The following ABI2 variants were observed in gnomAD, a reference collection of about 807,000 sequenced individuals.
ABI2 encodes the protein abl interactor 2.
In ABI2, 25 loss-of-function variants were observed where a neutral mutation model predicts 59.2. The observed-to-expected ratio is 0.42, with a 90% CI of 0.31 to 0.59. The LOEUF is 0.59. Among genes scored for constraint, ABI2 ranks in the 20% least tolerant of loss-of-function variants. The pLI, the probability that ABI2 is intolerant of heterozygous loss-of-function variation, is 0.14. For synonymous variants in ABI2, 213 were observed against 235.5 expected (o/e 0.90, Z 0.87); for missense variants, 545 against 681.8 (o/e 0.80, Z 2.23).
In ABI2 at chr2:203,384,290, GTTTTT is replaced by G. The variant is rs796117154; in HGVS notation, c.480+2114_480+2118del. 3.7e-3 allele frequency among the ~76,000 whole-genome samples: 97 copies of G among 26,112 alleles called. 2 individuals carry two copies. Among genetic ancestry groups the G allele is most frequent in the African/African-American group, 0.014 (89 of 6,358 alleles). The allele number at this position is 26,112 out of a possible 152,430, so 17.1% of individuals were successfully genotyped here. On this transcript the variant is annotated intron_variant, in intron 4 of 11. Transcript: ENST00000261018. Reference sequence around the variant, plus strand: ...GTTCCATACTCTTGTTTTTGTTTTTGTTTTTTTTTTTTTTTTTTTTTTTTTTTTTT... The same window carrying G: ...GTTCCATACTCTTGTTTTTGTTTTTGTTTTTTTTTTTTTTTTTTTTTTTTT...
intron 10 of ABI2, among the ~76,000 whole-genome samples, chr2:203,412,329 C>T (rs560900112): frequency 7.5e-4 from 114 of 152,240 alleles, no homozygotes; most frequent in Middle Eastern, 3.4e-3. Flanking sequence ...ATAGCAGGCA[C>T]TTTTGGTCCC....
At chr2:203,400,304 G>A (rs1387415520) in intron 8 of ABI2, among the ~76,000 whole-genome samples, 1 of 151,780 alleles carries the variant, frequency 6.6e-6, no homozygotes, top group African/African-American at 2.4e-5. Flanking sequence ...GGTCAGGCTG[G>A]TCTTGAACTC....
chr2:203,413,466 T>G (rs187198412), intron 10 of ABI2, among the ~76,000 whole-genome samples: 13 of 152,302 alleles, frequency 8.5e-5, no homozygotes, highest in Non-Finnish European at 1.5e-5. Context: ...CTGCAAAACA[T>G]TATTATAGCA....
intron 10 of ABI2, among the ~76,000 whole-genome samples, chr2:203,414,101 C>CTT (rs539839995): frequency 2.9e-4 from 37 of 126,696 alleles, no homozygotes; most frequent in African/African-American, 9.5e-4. Flanking sequence ...CTTGCATTGT[C>CTT]TTTTTTTTTT....
chr2:203,328,427 C>A lies in ABI2; in HGVS notation c.-88C>A. On this transcript the variant is annotated 5_prime_UTR_variant, in exon 1 of 12. Coordinates refer to ENST00000261018, the MANE Select transcript of ABI2 (RefSeq NM_001375670.1). Reference sequence around the variant, plus strand: ...GTTACCGCCGCCGTCGCCGCCGCTCCTCCTCTCCCGGTCCTGGGTTTCCTT... The same window carrying A: ...GTTACCGCCGCCGTCGCCGCCGCTCATCCTCTCCCGGTCCTGGGTTTCCTT... The A allele has an allele frequency of 8.9e-7, 1 of 1,120,728 alleles. No individual in the cohort carries two copies. Among genetic ancestry groups the A allele is most frequent in the Admixed American group, 2.2e-5 (1 of 45,624 alleles). The allele number at this position is 1,120,728 out of a possible 1,614,324, so 69.4% of individuals were successfully genotyped here.
Position 203,427,925 on chromosome 2 carries a change from G to A in ABI2, c.*573G>A, listed in dbSNP as rs2098453806. 6.6e-6 allele frequency: 1 copy of A among 152,328 alleles called. No individual in the cohort carries two copies. Among genetic ancestry groups the A allele is most frequent in the South Asian group, 2.1e-4 (1 of 4,828 alleles). 9.4% of individuals were successfully genotyped at this position (152,328 alleles called of 1,614,324 possible). A position where few individuals can be genotyped will look rare whatever the true frequency, so the allele number is the denominator to read the frequency against. ...TTCTGCATTCTCTCAGCACTTGAGTGCACCAAACGAGTGAATGCTGAACTC... is the reference window on the plus strand; with the variant it reads ...TTCTGCATTCTCTCAGCACTTGAGTACACCAAACGAGTGAATGCTGAACTC... On this transcript the variant is annotated 3_prime_UTR_variant, in exon 12 of 12. Coordinates refer to ENST00000261018, the MANE Select transcript of ABI2 (RefSeq NM_001375670.1).
chr2:203,423,401 A>G (rs1425301306), intron 11 of ABI2, among the ~76,000 whole-genome samples: 1 of 152,124 alleles, frequency 6.6e-6, no homozygotes, highest in African/African-American at 2.4e-5. Context: ...GTTTCAATTT[A>G]CTATTTTAGG....
At chr2:203,417,120 C>T in intron 11 of ABI2, 39 bp downstream of exon 11, 1 of 1,508,858 alleles carries the variant, frequency 6.6e-7, no homozygotes, top group Non-Finnish European at 8.9e-7. Context: ...TGGGAAGAAA[C>T]CTCTACATAG....
At chr2:203,358,613 G>A (rs1440112553) in intron 1 of ABI2, among the ~76,000 whole-genome samples, 1 of 152,056 alleles carries the variant, frequency 6.6e-6, no homozygotes, top group Non-Finnish European at 1.5e-5. Context: ...CTTTCAGATG[G>A]GCATACTCCA....
rs150870167 is a variant in ABI2, at chr2:203,392,314, CCAACAA to C, written c.578+1196_578+1201del. On this transcript the variant is annotated intron_variant, in intron 5 of 11. Transcript: ENST00000261018. ...ACCACCACCACCACCACCACCACCACCAACAACAACAACAACAACAACAACAACAAA... is the reference window on the plus strand; with the variant it reads ...ACCACCACCACCACCACCACCACCACCAACAACAACAACAACAACAACAAA... Among the ~76,000 whole-genome samples, 886 of 123,292 alleles carry C rather than the reference CCAACAA, an allele frequency of 7.2e-3. 9 individuals carry two copies. The highest frequency in any genetic ancestry group is 0.013 in the South Asian group (49 of 3,788). The allele number at this position is 123,292 out of a possible 152,430, so 80.9% of individuals were successfully genotyped here.
intron 11 of ABI2, among the ~76,000 whole-genome samples, chr2:203,420,550 C>G (rs2098152123): frequency 1.3e-5 from 2 of 152,120 alleles, no homozygotes; most frequent in African/African-American, 4.8e-5. Context: ...CCTGCCAGCA[C>G]ACCCGGCTAA....
At chr2:203,399,105 G>A (rs745421724) in intron 8 of ABI2, among the ~76,000 whole-genome samples, 2 of 152,016 alleles carry the variant, frequency 1.3e-5, no homozygotes, top group Admixed American at 6.6e-5. Context: ...AATTTTTAAC[G>A]TCATAAGAAA....
intron 9 of ABI2, among the ~76,000 whole-genome samples, 170 bp downstream of exon 9, chr2:203,402,904 T>TA (rs922384408): frequency 6.6e-5 from 10 of 151,902 alleles, no homozygotes; most frequent in South Asian, 2.1e-4. Context: ...TTCAATTCTT[T>TA]AAAAAAAAAT....
chr2:203,385,542 A>G (rs1056873729), intron 4 of ABI2, among the ~76,000 whole-genome samples: 1 of 152,204 alleles, frequency 6.6e-6, no homozygotes, highest in African/African-American at 2.4e-5. Context: ...ATTTAGCCCC[A>G]TGTTTAAAAA....
At chr2:203,397,378 T>A (rs922217702) in intron 8 of ABI2, among the ~76,000 whole-genome samples, 1 of 152,218 alleles carries the variant, frequency 6.6e-6, no homozygotes, top group Non-Finnish European at 1.5e-5. Context: ...GGAAAGCCTC[T>A]GTAAGTCTAT....
chr2:203,357,625 TATAAC>T (rs1268770602), intron 1 of ABI2, among the ~76,000 whole-genome samples: 1 of 152,246 alleles, frequency 6.6e-6, no homozygotes, highest in Non-Finnish European at 1.5e-5. Flanking sequence ...AGGCAGATGA[TATAAC>T]ATATTTTAAA....
At chr2:203,385,050 G>T (rs932649854) in intron 4 of ABI2, among the ~76,000 whole-genome samples, 1 of 151,332 alleles carries the variant, frequency 6.6e-6, no homozygotes, top group African/African-American at 2.4e-5. Flanking sequence ...GGCCAGGTTG[G>T]TCTCAAACTC....
At chr2:203,399,186 C>T (rs1490959391) in intron 8 of ABI2, among the ~76,000 whole-genome samples, 1 of 152,170 alleles carries the variant, frequency 6.6e-6, no homozygotes, top group East Asian at 1.9e-4. Context: ...TTTCCAGTTG[C>T]ATCCTTGTCA....
intron 1 of ABI2, among the ~76,000 whole-genome samples, chr2:203,344,372 CT>C (rs199851714): frequency 3.3e-5 from 5 of 149,614 alleles, no homozygotes; most frequent in East Asian, 2.0e-4. Context: ...TTTTTTTTTC[CT>C]TTTTTTTTGA....
Sources: allele counts gnomAD v4.1 joint callset (sites outside exome capture counted in the v4.1 genomes callset), GRCh38; gene constraint gnomAD v4.1.1; transcripts MANE v1.5; gene names NCBI Gene and HGNC (gene_info 2026-07-23, HGNC 2026-07-21).